The following XYLT1 variants were observed in gnomAD, a reference collection of about 807,000 sequenced individuals.
XYLT1 encodes the protein beta-D-xylosyltransferase 1.
A neutral mutation model predicts 91.3 loss-of-function variants in XYLT1; 36 were observed. That is an observed-to-expected ratio of 0.39 (90% CI 0.30 to 0.52). The LOEUF (loss-of-function observed/expected upper bound fraction) is 0.52. Among genes scored for constraint, XYLT1 ranks in the 20% least tolerant of loss-of-function variants. XYLT1 has a pLI of 0.68. For synonymous variants in XYLT1, 588 were observed against 532.0 expected (o/e 1.11, Z -1.45); for missense variants, 1,242 against 1,284.5 (o/e 0.97, Z 0.51).
intron 1 of XYLT1, among the ~76,000 whole-genome samples, chr16:17,383,752 C>CTTTTTTTTTTT (rs71373109): frequency 0.25 from 33,507 of 132,400 alleles, 4,890 homozygotes; most frequent in Non-Finnish European, 0.33. Context: ...GTGGAATTTT[C>CTTTTTTTTTTT]TTTTTTTTTT....
chr16:17,287,132 C>G (rs990611051), intron 2 of XYLT1, among the ~76,000 whole-genome samples: 2 of 152,192 alleles, frequency 1.3e-5, no homozygotes, highest in Non-Finnish European at 2.9e-5. Context: ...AACAAGCATA[C>G]GCAGAAACAC....
intron 2 of XYLT1, among the ~76,000 whole-genome samples, chr16:17,301,532 T>G (rs1469203595): frequency 1.3e-5 from 2 of 152,180 alleles, no homozygotes; most frequent in Admixed American, 6.5e-5. Context: ...TATATTAAAT[T>G]AAATTTTTCT....
At position 17,192,709 on chromosome 16, in the gene XYLT1, C is replaced by T. The variant is rs988596998; in HGVS notation, c.1289+5503G>A. On this transcript the variant is annotated intron_variant, in intron 5 of 11. Coordinates refer to ENST00000261381, the MANE Select transcript of XYLT1 (RefSeq NM_022166.4). ...AGAGTCTCTAAACACTCTCAGCTTG[C>T]GTATGCCAAGTTCAGGAATATTCTT... Among the ~76,000 whole-genome samples the T allele has an allele frequency of 5.3e-5, 8 of 151,878 alleles. No homozygotes were observed. In the East Asian group the frequency reaches 5.8e-4, roughly 11 times the overall value.
chr16:17,326,593 G>A (rs1285295416), intron 2 of XYLT1, among the ~76,000 whole-genome samples: 1 of 151,946 alleles, frequency 6.6e-6, no homozygotes, highest in East Asian at 1.9e-4. Flanking sequence ...GGAGGCCGAG[G>A]CGGGCGGATC....
intron 5 of XYLT1, among the ~76,000 whole-genome samples, chr16:17,190,746 A>AATAAAT (rs1244526087): frequency 6.6e-6 from 1 of 152,184 alleles, no homozygotes; most frequent in Non-Finnish European, 1.5e-5. Flanking sequence ...ACAGTGCCAC[A>AATAAAT]ATAAATATAC....
At chr16:17,460,340 A>G (rs933296766) in intron 1 of XYLT1, among the ~76,000 whole-genome samples, 5 of 152,200 alleles carry the variant, frequency 3.3e-5, no homozygotes, top group East Asian at 1.9e-4. Context: ...TGCGGAATGC[A>G]TGATTCTATT....
At chr16:17,338,577 T>C (rs1257818307) in intron 2 of XYLT1, 1 of 448,522 alleles carries the variant, frequency 2.2e-6, no homozygotes, top group Non-Finnish European at 4.5e-6. Context: ...CTGTCGGGAA[T>C]GGTCTTTCGT....
chr16:17,148,237 C>A (rs986142916), intron 6 of XYLT1, among the ~76,000 whole-genome samples: 4 of 152,204 alleles, frequency 2.6e-5, no homozygotes, highest in Admixed American at 2.6e-4. Context: ...TTCACCCAAG[C>A]AATGAACCGA....
At chr16:17,307,473 T>C (rs2034486037) in intron 2 of XYLT1, among the ~76,000 whole-genome samples, 1 of 152,316 alleles carries the variant, frequency 6.6e-6, no homozygotes, top group South Asian at 2.1e-4. Context: ...TTTATTTATA[T>C]TTTGCAGTGA....
rs79968703 is a variant in XYLT1, at chr16:17,240,148, G to A, written c.913+18840C>T. Among the ~76,000 whole-genome samples the A allele has an allele frequency of 3.8e-3, 575 of 152,342 alleles. 3 individuals carry two copies. The highest frequency in any genetic ancestry group is 0.013 in the African/African-American group (540 of 41,582). ...TAACTGGGTTTAAACTCAGATCCAA[G>A]GAACTGCATGAATTGCTGGGAGAGG... On this transcript the variant is annotated intron_variant, in intron 3 of 11. Coordinates refer to ENST00000261381, the MANE Select transcript of XYLT1 (RefSeq NM_022166.4).
At chr16:17,230,670 C>T (rs573528850) in intron 3 of XYLT1, among the ~76,000 whole-genome samples, 1 of 152,316 alleles carries the variant, frequency 6.6e-6, no homozygotes, top group African/African-American at 2.4e-5. Flanking sequence ...TCCTGCCCTT[C>T]CAAGGTCATC....
At chr16:17,160,082 G>A (rs1327752899) in intron 5 of XYLT1, among the ~76,000 whole-genome samples, 3 of 152,218 alleles carry the variant, frequency 2.0e-5, no homozygotes, top group Non-Finnish European at 2.9e-5. Context: ...CAGTGCTTTA[G>A]AAAGCAATGC....
At chr16:17,149,947 C>T (rs546995595) in intron 6 of XYLT1, among the ~76,000 whole-genome samples, 1 of 152,196 alleles carries the variant, frequency 6.6e-6, no homozygotes, top group South Asian at 2.1e-4. Flanking sequence ...ATGTTTTTTT[C>T]CTTTATCAGG....
At chr16:17,463,854 T>A (rs769148192) in intron 1 of XYLT1, among the ~76,000 whole-genome samples, 1 of 152,162 alleles carries the variant, frequency 6.6e-6, no homozygotes, top group South Asian at 2.1e-4. Flanking sequence ...CATCGGTGGA[T>A]GAATGGATAA....
chr16:17,181,307 T>G (rs2032062115), intron 5 of XYLT1, among the ~76,000 whole-genome samples: 1 of 152,118 alleles, frequency 6.6e-6, no homozygotes, highest in Non-Finnish European at 1.5e-5. Flanking sequence ...AGGTGCCCCC[T>G]GCCCAATCTG....
chr16:17,344,501 A>C (rs550324112), intron 2 of XYLT1, among the ~76,000 whole-genome samples: 3 of 151,434 alleles, frequency 2.0e-5, no homozygotes, highest in Non-Finnish European at 4.4e-5. Flanking sequence ...TCAAAAAAAA[A>C]AAAAAAAGAA....
intron 3 of XYLT1, among the ~76,000 whole-genome samples, chr16:17,213,504 A>G (rs2032799663): frequency 6.6e-6 from 1 of 152,168 alleles, no homozygotes; most frequent in Non-Finnish European, 1.5e-5. Flanking sequence ...CTGAGTAGTT[A>G]CCTGACCTGG....
intron 1 of XYLT1, among the ~76,000 whole-genome samples, chr16:17,414,122 T>A (rs1210639512): frequency 1.3e-5 from 2 of 152,206 alleles, no homozygotes; most frequent in Non-Finnish European, 2.9e-5. Flanking sequence ...AACCAGGGCC[T>A]CCTGCTGTGG....
chr16:17,413,652 G>A (rs555865697), intron 1 of XYLT1, among the ~76,000 whole-genome samples: 76 of 152,072 alleles, frequency 5.0e-4, no homozygotes, highest in African/African-American at 1.8e-3. Flanking sequence ...TGCTCAGGCC[G>A]GTCTTGAACT....
Sources: gnomAD v4.1 joint callset for allele counts (sites outside exome capture counted in the v4.1 genomes callset) on GRCh38, gnomAD v4.1.1 for gene constraint, MANE v1.5 for transcripts, NCBI Gene and HGNC (gene_info 2026-07-23, HGNC 2026-07-21) for gene names.